Variants in HID1 observed in about 807,000 individuals in gnomAD.
The protein encoded by HID1 is HID1 domain containing.
HID1 carries 42 observed loss-of-function variants against 89.7 expected under a neutral mutation model. The ratio of observed to expected loss-of-function variants is 0.47; its 90% CI spans 0.37 to 0.61. HID1 has a LOEUF of 0.61. HID1 is among the 20% of genes least tolerant of loss of function. The pLI, the probability that HID1 is intolerant of heterozygous loss-of-function variation, is 0.00. For synonymous variants in HID1, 442 were observed against 433.8 expected (o/e 1.02, Z -0.24); for missense variants, 854 against 1,039.3 (o/e 0.82, Z 2.45).
rs547940547 is a variant in HID1, at chr17:74,963,941, C to T, written c.217-31G>A. 100 of 1,611,782 alleles carry T rather than the reference C, an allele frequency of 6.2e-5. 2 individuals are homozygous for T. In the South Asian group the frequency reaches 1.0e-3, roughly 17 times the overall value. ...GGGGCAGGCAGGAGCAGAGGGCAGG[C>T]TGGAAGGTGGGGAAAGGACCCTGGC... On this transcript the variant is annotated intron_variant, in intron 2 of 18. Coordinates refer to ENST00000425042, the MANE Select transcript of HID1 (RefSeq NM_030630.3).
Position 74,955,956 on chromosome 17 carries a change from A to G in HID1, c.1472T>C (p.Val491Ala), listed in dbSNP as rs746051732. 2.5e-6 allele frequency: 4 copies of G among 1,613,310 alleles called. No individual in the cohort carries two copies. Among genetic ancestry groups the G allele is most frequent in the Non-Finnish European group, 3.4e-6 (4 of 1,179,786 alleles). The change falls in exon 13 of 19, where the codon GTG becomes GCG. Residue 491 changes from valine (V) to alanine (A), a missense_variant and splice_region_variant. By Grantham distance (64) the Val-to-Ala change is moderately conservative (BLOSUM62 0). Transcript: ENST00000425042. ...GGACAGGCTCTTGAGGTAGGGGGAC[A>G]CTGTAAGGGAGGGGTCAGCTCACTC... Reference protein sequence around the residue: ...FDCLLTIVVNVSPYLKSLSMV... With the variant: ...FDCLLTIVVNASPYLKSLSMV...
chr17:74,955,964 G>T lies in HID1; in HGVS notation c.1472-8C>A, dbSNP rs775831283. On this transcript the variant is annotated splice_region_variant and splice_polypyrimidine_tract_variant and intron_variant, in intron 12 of 18. Coordinates refer to ENST00000425042, the MANE Select transcript of HID1 (RefSeq NM_030630.3). ...TCTTGAGGTAGGGGGACACTGTAAG[G>T]GAGGGGTCAGCTCACTCCTGGGCCC... is the stretch of plus-strand genomic sequence containing the variant. 1.4e-5 allele frequency: 23 copies of T among 1,612,876 alleles called. No individual in the cohort carries two copies. In the South Asian group the frequency reaches 2.2e-4, roughly 15 times the overall value.
chr17:74,970,636 C>G (rs1029083303), intron 1 of HID1: 54 of 153,050 alleles, frequency 3.5e-4, no homozygotes, highest in African/African-American at 1.2e-3. Flanking sequence ...GGCAGGAAGG[C>G]GAGGAAGGTG....
intron 1 of HID1, among the ~76,000 whole-genome samples, chr17:74,970,057 C>T (rs1477308828): frequency 6.6e-6 from 1 of 151,056 alleles, no homozygotes; most frequent in African/African-American, 2.4e-5. Context: ...GCTGGGAATA[C>T]AGGCATGTTC....
At position 74,959,104 on chromosome 17, in the gene HID1, A is replaced by C; in HGVS notation, c.1009-53T>G. The C allele has an allele frequency of 2.0e-6, 3 of 1,482,666 alleles. No individual in the cohort carries two copies. The highest frequency in any genetic ancestry group is 1.8e-6 in the Non-Finnish European group (2 of 1,120,786). 91.8% of individuals were successfully genotyped at this position (1,482,666 alleles called of 1,614,324 possible). A position where few individuals can be genotyped will look rare whatever the true frequency, so the allele number is the denominator to read the frequency against. ...TGTCCAGCCCAATCCCTGCAGCTCC[A>C]GTTTCCCAGCCCAGGCCCCCAACAA... On this transcript the variant is annotated intron_variant, in intron 8 of 18. Transcript: ENST00000425042. The surrounding 1 kb of genome is among the most constrained non-coding windows in gnomAD (Gnocchi z 4.6).
In HID1 at chr17:74,960,203, G is replaced by A; in HGVS notation, c.774C>T (p.Ala258=). The A allele has an allele frequency of 1.2e-6, 2 of 1,613,460 alleles. No homozygotes were observed. The highest frequency in any genetic ancestry group is 1.3e-5 in the African/African-American group (1 of 75,070). The change falls in exon 7 of 19, where the codon GCC becomes GCT. Residue 258 remains alanine, a synonymous_variant. Coordinates refer to ENST00000425042, the MANE Select transcript of HID1 (RefSeq NM_030630.3). ...GGATCCCGTAGCCCACAGGGTCATA[G>A]GCACACACGGTGTTGAGGAGGGAGG... is the stretch of plus-strand genomic sequence containing the variant. ...LFTSLLNTVC[A]YDPVGYGIPY... is the part of the protein sequence containing the mutation.
chr17:74,972,701 CCGGCTCCGGCTT>C lies in HID1; in HGVS notation c.-57_-46del. On this transcript the variant is annotated 5_prime_UTR_variant, in exon 1 of 19. Coordinates refer to ENST00000425042, the MANE Select transcript of HID1 (RefSeq NM_030630.3). This position sits in a 1 kb window ranked among gnomAD's most constrained non-coding sequence, Gnocchi z 6.4. ...GCCCGGCCCCCGCCCAGACTCCAAC[CCGGCTCCGGCTT>C]CAGCTCCGGCTCCAGCTCCGCGGCC... is the stretch of plus-strand genomic sequence containing the variant. 15 of 1,490,686 alleles carry C rather than the reference CCGGCTCCGGCTT, an allele frequency of 1.0e-5. No homozygotes were observed. Among genetic ancestry groups the C allele is most frequent in the Non-Finnish European group, 1.3e-5 (15 of 1,112,736 alleles). The allele number at this position is 1,490,686 out of a possible 1,614,324, so 92.3% of individuals were successfully genotyped here.
Position 74,952,094 on chromosome 17 carries a change from C to T in HID1, c.2145-31G>A, listed in dbSNP as rs151069486. ...GGGAGAGGGGTATCTCCAGCACACTCACGTGGTCCAGGGGAGCACGGGGCT... is the reference window on the plus strand; with the variant it reads ...GGGAGAGGGGTATCTCCAGCACACTTACGTGGTCCAGGGGAGCACGGGGCT... On this transcript the variant is annotated intron_variant, in intron 17 of 18. Coordinates refer to ENST00000425042, the MANE Select transcript of HID1 (RefSeq NM_030630.3). 2.5e-4 allele frequency: 381 copies of T among 1,552,368 alleles called. No individual in the cohort carries two copies. The Middle Eastern group carries it at 4.4e-3, about 18-fold the overall frequency.
chr17:74,964,672 GC>G lies in HID1; in HGVS notation c.67-41del, dbSNP rs758891843. The G allele has an allele frequency of 3.1e-6, 5 of 1,588,714 alleles. No individual in the cohort carries two copies. The Admixed American group carries it at 8.9e-5, about 28-fold the overall frequency. On this transcript the variant is annotated intron_variant, in intron 1 of 18. Transcript: ENST00000425042. ...AGGGTCCAGAGTTACACAACTCCTG[GC>G]CAGAGGGCCTACACTTTGCCCAACT... is the stretch of plus-strand genomic sequence containing the variant.
rs1274306068 is a variant in HID1 at position 74,954,194 on chromosome 17, C to T, written c.1808G>A (p.Arg603His). 3.1e-6 allele frequency: 5 copies of T among 1,602,480 alleles called. No homozygotes were observed. Among genetic ancestry groups the T allele is most frequent in the African/African-American group, 1.3e-5 (1 of 74,912 alleles). The part of the protein sequence containing the change: ...SQEGTSMEGS[R>H]PAAPAEPGTL... ...GCCTGGCTCTGCAGGGGCAGCGGGG[C>T]GGGAGCCCTCCATGGAGGTGCCCTC... The change falls in exon 14 of 19, where the codon CGC (arginine) becomes CAC (histidine). Residue 603 changes from arginine (R) to histidine (H), a missense_variant. By Grantham distance (29) the Arg-to-His change is conservative. Transcript: ENST00000425042.
At chr17:74,963,325 G>A in intron 3 of HID1, 1 of 525,488 alleles carries the variant, frequency 1.9e-6, no homozygotes, top group Non-Finnish European at 3.4e-6. Context: ...GCCGGGCGGT[G>A]ACCCCAACAT....
chr17:74,953,622 C>T lies in HID1; in HGVS notation c.1894G>A (p.Val632Met). ...GACCGCAAGGTGCCATCCTCTGACA[C>T]CTGGGACTTCTCGGTCAGCTTGTCA... is the stretch of plus-strand genomic sequence containing the variant. ...GIDKLTEKSQ[V>M]SEDGTLRSLE... Residue 632 changes from valine to methionine, a missense_variant, in exon 15 of 19, where the codon GTG becomes ATG. Physicochemically the swap from Val to Met is conservative, Grantham distance 21 (BLOSUM62 1). Coordinates refer to ENST00000425042, the MANE Select transcript of HID1 (RefSeq NM_030630.3). 3 of 1,614,130 alleles carry T rather than the reference C, an allele frequency of 1.9e-6. No homozygotes were observed. Among genetic ancestry groups the T allele is most frequent in the South Asian group, 1.1e-5 (1 of 91,084 alleles).
chr17:74,967,976 G>C (rs2039588278), intron 1 of HID1: 3 of 151,568 alleles, frequency 2.0e-5, no homozygotes, highest in South Asian at 4.2e-4. Context: ...GTAGTGGCAC[G>C]CACCTGTAGT....
At chr17:74,969,193 G>T (rs995766514) in intron 1 of HID1, among the ~76,000 whole-genome samples, 2 of 151,596 alleles carry the variant, frequency 1.3e-5, no homozygotes, top group African/African-American at 4.8e-5. Context: ...TCTAATATCT[G>T]ATCTTTTTTT....
rs1020635502 is a variant in HID1 at position 74,958,330 on chromosome 17, A to C, written c.1389T>G (p.Ile463Met). The change falls in exon 11 of 19, where the codon ATT (isoleucine) becomes ATG (methionine). Residue 463 changes from isoleucine to methionine, a missense_variant. Physicochemically the swap from Ile to Met is conservative, Grantham distance 10. Transcript: ENST00000425042. This position sits in a 1 kb window ranked among gnomAD's most constrained non-coding sequence, Gnocchi z 5.2. ...CCGGCCGCACGAGCCCCCTCACCAC[A>C]ATGAGCAGGTCGGCGTGGGTCCCTG... ...VFTGTHADLL[I>M]VVFHKIITSG... The C allele has an allele frequency of 6.2e-7, 1 of 1,613,250 alleles. No individual in the cohort carries two copies. The highest frequency in any genetic ancestry group is 1.3e-5 in the African/African-American group (1 of 75,032).
chr17:74,955,521 A>T (rs983399127), intron 13 of HID1, among the ~76,000 whole-genome samples: 1 of 151,598 alleles, frequency 6.6e-6, no homozygotes, highest in African/African-American at 2.4e-5. Flanking sequence ...AAAATTTCAG[A>T]TGTCCATCAT....
At chr17:74,965,001 T>C (rs2039540883) in intron 1 of HID1, among the ~76,000 whole-genome samples, 1 of 152,188 alleles carries the variant, frequency 6.6e-6, no homozygotes, top group South Asian at 2.1e-4. Context: ...TGCTCAGGGA[T>C]CCAGGTCAAG....
rs2039522089 is a variant in HID1 at position 74,963,860 on chromosome 17, C to T, written c.267G>A (p.Lys89=). The change falls in exon 3 of 19, where the codon AAG becomes AAA. Residue 89 remains lysine (K), a synonymous_variant. Transcript: ENST00000425042. The part of the protein sequence containing the change: ...QGAESGCHSE[K]EKQIVLNCSR... ...TGCAGTTCAGGACGATCTGCTTCTC[C>T]TTCTCCGAGTGGCAGCCACTCTCAG... The T allele has an allele frequency of 6.2e-7, 1 of 1,614,012 alleles. No homozygotes were observed. The highest frequency in any genetic ancestry group is 8.5e-7 in the Non-Finnish European group (1 of 1,180,024).
At position 74,959,137 on chromosome 17, in the gene HID1, C is replaced by G. The variant is rs764017689; in HGVS notation, c.1009-86G>C. ...AGCCCAGGCCCCCAACAAATCCCCC[C>G]CTCCATCCCCCAGAGCCAGATCCCA... On this transcript the variant is annotated intron_variant, in intron 8 of 18. Transcript: ENST00000425042. This position sits in a 1 kb window ranked among gnomAD's most constrained non-coding sequence, Gnocchi z 4.6. The G allele has an allele frequency of 3.1e-5, 43 of 1,401,992 alleles. No homozygotes were observed. The highest frequency in any genetic ancestry group is 5.9e-5 in the Admixed American group (2 of 34,090). 86.8% of individuals were successfully genotyped at this position (1,401,992 alleles called of 1,614,324 possible).
Sources: gnomAD v4.1 joint callset for allele counts (sites outside exome capture counted in the v4.1 genomes callset) on GRCh38, gnomAD v4.1.1 for gene constraint, Gnocchi (gnomAD v3.1) non-coding constraint, MANE v1.5 for transcripts, NCBI Gene and HGNC (gene_info 2026-07-23, HGNC 2026-07-21) for gene names.